PTPRT: variants seen among roughly 807,000 people sequenced by gnomAD.
The protein encoded by PTPRT is protein tyrosine phosphatase receptor type T.
A neutral mutation model predicts 176.8 loss-of-function variants in PTPRT; 56 were observed. The observed-to-expected ratio is 0.32, with a 90% CI of 0.26 to 0.40. The LOEUF is 0.40. Ranked by LOEUF, PTPRT falls within the 10% of genes least tolerant of loss-of-function variation. The probability of loss-of-function intolerance (pLI) is 1.00; values close to 1 mark genes in which losing one functional copy is unlikely to be tolerated. For synonymous variants in PTPRT, 783 were observed against 739.0 expected (o/e 1.06, Z -0.96); for missense variants, 1,540 against 1,908.2 (o/e 0.81, Z 3.60).
At chr20:42,963,080 G>A (rs1169685029) in intron 1 of PTPRT, among the ~76,000 whole-genome samples, 1 of 152,104 alleles carries the variant, frequency 6.6e-6, no homozygotes, top group Non-Finnish European at 1.5e-5. Context: ...GGCACCTGTA[G>A]TTCCAGCTAC....
intron 7 of PTPRT, among the ~76,000 whole-genome samples, chr20:42,531,738 C>T (rs189577045): frequency 3.3e-5 from 5 of 152,330 alleles, no homozygotes; most frequent in Admixed American, 1.3e-4. Flanking sequence ...TCTAAAGAGA[C>T]AGTCACTACT....
At chr20:42,620,684 G>T (rs1301686814) in intron 7 of PTPRT, among the ~76,000 whole-genome samples, 2 of 152,170 alleles carry the variant, frequency 1.3e-5, no homozygotes, top group Non-Finnish European at 2.9e-5. Flanking sequence ...GCAATATTCG[G>T]GTGGGAGTGA....
chr20:42,526,496 C>T (rs1160751445), intron 7 of PTPRT, among the ~76,000 whole-genome samples: 2 of 151,956 alleles, frequency 1.3e-5, no homozygotes, highest in Non-Finnish European at 2.9e-5. Context: ...ATACTTTATC[C>T]TCTGCTTGAT....
At chr20:42,497,051 T>C (rs1266766859) in intron 7 of PTPRT, among the ~76,000 whole-genome samples, 1 of 152,164 alleles carries the variant, frequency 6.6e-6, no homozygotes, top group Non-Finnish European at 1.5e-5. Flanking sequence ...AGCAAGGTAC[T>C]TCCTGACCCA....
At chr20:42,306,842 T>G (rs1301176068) in intron 12 of PTPRT, among the ~76,000 whole-genome samples, 2 of 152,168 alleles carry the variant, frequency 1.3e-5, no homozygotes, top group African/African-American at 4.8e-5. Context: ...CCTCCTTCAG[T>G]GTGAAGTAAC....
intron 7 of PTPRT, among the ~76,000 whole-genome samples, chr20:42,575,065 C>G (rs1053864513): frequency 1.3e-5 from 2 of 152,048 alleles, no homozygotes; most frequent in African/African-American, 4.8e-5. Flanking sequence ...TTTATAGTAG[C>G]GTGAGAATGG....
intron 7 of PTPRT, among the ~76,000 whole-genome samples, chr20:42,661,581 G>A (rs951269785): frequency 2.6e-5 from 4 of 152,100 alleles, no homozygotes; most frequent in Admixed American, 2.6e-4. Context: ...GGTGGGAAAA[G>A]GGTTGGCTGG....
intron 11 of PTPRT, among the ~76,000 whole-genome samples, chr20:42,326,873 C>A (rs763528986): frequency 2.0e-5 from 3 of 151,440 alleles, no homozygotes; most frequent in Non-Finnish European, 2.9e-5. Flanking sequence ...TATTTGTGAG[C>A]CCTAAAGATG....
chr20:42,591,518 T>C (rs2073574463), intron 7 of PTPRT, among the ~76,000 whole-genome samples: 1 of 152,188 alleles, frequency 6.6e-6, no homozygotes. Context: ...ACCTGGAACA[T>C]AAATGGGTAT....
chr20:42,302,757 T>C (rs1244773215), intron 12 of PTPRT, among the ~76,000 whole-genome samples: 5 of 152,210 alleles, frequency 3.3e-5, no homozygotes, highest in African/African-American at 1.2e-4. Flanking sequence ...TTTGGGGTTT[T>C]ATCATCATCA....
intron 13 of PTPRT, among the ~76,000 whole-genome samples, chr20:42,282,197 A>G (rs747986390): frequency 6.6e-6 from 1 of 152,148 alleles, no homozygotes; most frequent in African/African-American, 2.4e-5. Context: ...AGAATATTTG[A>G]GTAAATTTAT....
chr20:42,838,429 G>C (rs1446537131), intron 2 of PTPRT, among the ~76,000 whole-genome samples: 2 of 152,226 alleles, frequency 1.3e-5, no homozygotes, highest in Non-Finnish European at 2.9e-5. Context: ...AGAGGCTCCA[G>C]ACTGAGCTAG....
chr20:42,567,973 C>T (rs190525824), intron 7 of PTPRT, among the ~76,000 whole-genome samples: 1,472 of 140,506 alleles, frequency 0.01, 12 homozygotes, highest in Admixed American at 0.015. Flanking sequence ...CTTTTTTTTG[C>T]TTTTTTTTTT....
intron 9 of PTPRT, among the ~76,000 whole-genome samples, chr20:42,354,394 G>A (rs191318012): frequency 6.6e-6 from 1 of 152,246 alleles, no homozygotes; most frequent in Non-Finnish European, 1.5e-5. Context: ...AGCAAATAAG[G>A]CATTCCCAGG....
intron 1 of PTPRT, among the ~76,000 whole-genome samples, chr20:43,155,041 C>T (rs770654856): frequency 2.6e-5 from 4 of 151,938 alleles, no homozygotes; most frequent in Admixed American, 6.5e-5. Context: ...ATCAAAATGA[C>T]GAAAGAGAAG....
chr20:42,591,551 C>T (rs940269925), intron 7 of PTPRT, among the ~76,000 whole-genome samples: 4 of 152,166 alleles, frequency 2.6e-5, no homozygotes, highest in Non-Finnish European at 4.4e-5. Flanking sequence ...GTGTTCCATG[C>T]ACTGGGGGGA....
Position 42,141,985 on chromosome 20 carries a change from C to T in PTPRT, c.2700G>A (p.Gln900=). The change falls in exon 18 of 31, where the codon CAG becomes CAA. Residue 900 remains glutamine, a synonymous_variant. Transcript: ENST00000373187. ...CCTTGGCTGTGTCCCACGAAGCTGTCTGCCCCTCTGGTAAGGCCTAAAAAG... is the reference window on the plus strand; with the variant it reads ...CCTTGGCTGTGTCCCACGAAGCTGTTTGCCCCTCTGGTAAGGCCTAAAAAG... ...KEEYEALPEG[Q]TASWDTAKED... 6.2e-7 allele frequency: 1 copy of T among 1,614,100 alleles called. No homozygotes were observed. Among genetic ancestry groups the T allele is most frequent in the Non-Finnish European group, 8.5e-7 (1 of 1,179,972 alleles).
chr20:42,828,910 C>G (rs1363998007), intron 2 of PTPRT, among the ~76,000 whole-genome samples: 2 of 152,132 alleles, frequency 1.3e-5, no homozygotes, highest in African/African-American at 4.8e-5. Flanking sequence ...GTTAGAGTCT[C>G]CATACAGAAT....
chr20:42,325,977 A>T (rs2057875846), intron 11 of PTPRT, among the ~76,000 whole-genome samples: 1 of 152,152 alleles, frequency 6.6e-6, no homozygotes, highest in Non-Finnish European at 1.5e-5. Flanking sequence ...CAACCTAAGG[A>T]AGGCTTACTT....
Sources: gnomAD v4.1 joint callset for allele counts (sites outside exome capture counted in the v4.1 genomes callset) on GRCh38, gnomAD v4.1.1 for gene constraint, MANE v1.5 for transcripts, NCBI Gene and HGNC (gene_info 2026-07-23, HGNC 2026-07-21) for gene names.